The following RGS20 variants were observed in gnomAD, a reference collection of about 807,000 sequenced individuals.
RGS20 encodes regulator of G protein signaling 20, also known as gz-selective GTPase-activating protein.
Under a neutral mutation model 33.6 loss-of-function variants are expected in RGS20, and 30 were observed. The ratio of observed to expected loss-of-function variants is 0.89; its 90% CI spans 0.67 to 1.21. The LOEUF (loss-of-function observed/expected upper bound fraction) is 1.21. Ranked by LOEUF, RGS20 falls within the 50% of genes most tolerant of loss-of-function variation. The pLI, the probability that RGS20 is intolerant of heterozygous loss-of-function variation, is 0.00. For synonymous variants in RGS20, 208 were observed against 197.9 expected (o/e 1.05, Z -0.43); for missense variants, 472 against 502.4 (o/e 0.94, Z 0.58).
At chr8:53,954,345 T>C (rs374129437) in intron 5 of RGS20, 35 bp downstream of exon 4, 22 of 1,406,872 alleles carry the variant, frequency 1.6e-5, no homozygotes, top group African/African-American at 5.6e-5. Flanking sequence ...CCCAAGGCTG[T>C]TGGTAAAATT....
chr8:53,874,370 GTGT>G (rs1812146984), intron 1 of RGS20, among the ~76,000 whole-genome samples: 2 of 78,892 alleles, frequency 2.5e-5, no homozygotes, highest in South Asian at 5.5e-4. Context: ...AATAAGGGGT[GTGT>G]GTGTGTGTGT....
intron 2 of RGS20, among the ~76,000 whole-genome samples, chr8:53,915,847 G>A (rs1029076434): frequency 1.3e-5 from 2 of 152,222 alleles, no homozygotes; most frequent in East Asian, 3.9e-4. Context: ...AAGCCTCTCA[G>A]GCAGGTGTGG....
At chr8:53,903,268 A>T (rs1813080045) in intron 2 of RGS20, among the ~76,000 whole-genome samples, 1 of 152,232 alleles carries the variant, frequency 6.6e-6, no homozygotes. Flanking sequence ...TTCTACCATC[A>T]GTAAAAAAGC....
At chr8:53,956,869 C>T (rs966124180) in intron 5 of RGS20, among the ~76,000 whole-genome samples, 2 of 151,986 alleles carry the variant, frequency 1.3e-5, no homozygotes, top group East Asian at 1.9e-4. Flanking sequence ...AAAAACAGGC[C>T]GGGCACAGTG....
At chr8:53,904,082 AAAAACAAGAAGGG>A (rs1395499247) in intron 2 of RGS20, among the ~76,000 whole-genome samples, 1 of 152,076 alleles carries the variant, frequency 6.6e-6, no homozygotes, top group Non-Finnish European at 1.5e-5. Context: ...CCAAGAGAGA[AAAAACAAGAAGGG>A]GTAGCTTTGT....
At chr8:53,942,056 A>AGGATTGTT (rs2129290492) in intron 3 of RGS20, among the ~76,000 whole-genome samples, 1 of 151,988 alleles carries the variant, frequency 6.6e-6, no homozygotes, top group African/African-American at 2.4e-5. Flanking sequence ...GGCAGATCAC[A>AGGATTGTT]TGAGGTCGGG....
At chr8:53,878,919 C>T (rs1425389164) in intron 1 of RGS20, among the ~76,000 whole-genome samples, 1 of 152,182 alleles carries the variant, frequency 6.6e-6, no homozygotes, top group Admixed American at 6.5e-5. Flanking sequence ...CTTCTGCATA[C>T]CGCATGTCAC....
intron 2 of RGS20, among the ~76,000 whole-genome samples, chr8:53,924,769 G>C (rs966924627): frequency 1.1e-4 from 17 of 152,170 alleles, no homozygotes; most frequent in African/African-American, 4.1e-4. Context: ...CAGATGTTAT[G>C]ATGACAATTC....
intron 2 of RGS20, among the ~76,000 whole-genome samples, chr8:53,928,425 CACTT>C (rs1388867069): frequency 5.9e-5 from 9 of 152,320 alleles, no homozygotes; most frequent in South Asian, 2.1e-4. Context: ...TATTTCTGTA[CACTT>C]ACTTATCGAA....
intron 1 of RGS20, among the ~76,000 whole-genome samples, chr8:53,878,511 G>A (rs950166577): frequency 2.0e-5 from 3 of 152,054 alleles, no homozygotes; most frequent in African/African-American, 7.2e-5. Context: ...CGGTGTTCCC[G>A]GGAATAAGAA....
chr8:53,903,277 G>A (rs1233840425), intron 2 of RGS20, among the ~76,000 whole-genome samples: 4 of 152,118 alleles, frequency 2.6e-5, no homozygotes, highest in Non-Finnish European at 5.9e-5. Flanking sequence ...CAGTAAAAAA[G>A]CACTGCCCTG....
intron 2 of RGS20, among the ~76,000 whole-genome samples, chr8:53,928,550 G>A (rs374478101): frequency 3.3e-4 from 50 of 152,222 alleles, no homozygotes; most frequent in East Asian, 2.7e-3. Flanking sequence ...TCACCAGGGC[G>A]CGGTGGCTTA....
chr8:53,953,197 CT>C (rs1244702760), intron 4 of RGS20, among the ~76,000 whole-genome samples: 1 of 152,162 alleles, frequency 6.6e-6, no homozygotes, highest in Non-Finnish European at 1.5e-5. Flanking sequence ...CTTGCACCCC[CT>C]AATTATAGTT....
intron 1 of RGS20, among the ~76,000 whole-genome samples, chr8:53,855,092 T>A (rs1355119552): frequency 1.3e-5 from 2 of 151,706 alleles, no homozygotes; most frequent in African/African-American, 2.4e-5. Context: ...TGAGACGGAG[T>A]CTTGCTCTGT....
chr8:53,900,490 G>A (rs534757267), intron 2 of RGS20, among the ~76,000 whole-genome samples: 13 of 152,054 alleles, frequency 8.5e-5, no homozygotes, highest in South Asian at 6.2e-4. Context: ...ATTACTCATC[G>A]TATTTTTACA....
At chr8:53,896,250 A>G (rs149710144) in intron 2 of RGS20, among the ~76,000 whole-genome samples, 1 of 152,300 alleles carries the variant, frequency 6.6e-6, no homozygotes, top group African/African-American at 2.4e-5. Context: ...ACTGCACTCC[A>G]ACCTGTGTGA....
In RGS20 at chr8:53,933,471, A is replaced by G. The variant is rs188695452; in HGVS notation, c.511-6105A>G. On this transcript the variant is annotated intron_variant, in intron 2 of 5. Transcript: ENST00000297313. ...AGAACTTCCTGAAGCATACACAAGT[A>G]TCAATAGCCGAATTGATCAAGTGGA... Among the ~76,000 whole-genome samples the G allele has an allele frequency of 1.1e-3, 174 of 152,320 alleles. 1 individual carries two copies. The highest frequency in any genetic ancestry group is 4.0e-3 in the African/African-American group (166 of 41,572).
intron 2 of RGS20, among the ~76,000 whole-genome samples, chr8:53,894,976 T>C (rs912056086): frequency 6.6e-6 from 1 of 152,056 alleles, no homozygotes; most frequent in Non-Finnish European, 1.5e-5. Context: ...TTTAGGCTTG[T>C]GGGTCATTGC....
chr8:53,854,952 C>T (rs1168675643), intron 1 of RGS20, among the ~76,000 whole-genome samples: 1 of 152,186 alleles, frequency 6.6e-6, no homozygotes, highest in Non-Finnish European at 1.5e-5. Context: ...AAGGAATGAA[C>T]TACTAATACA....
Sources: gnomAD v4.1 joint callset for allele counts (sites outside exome capture counted in the v4.1 genomes callset) on GRCh38, gnomAD v4.1.1 for gene constraint, MANE v1.5 for transcripts, NCBI Gene and HGNC (gene_info 2026-07-23, HGNC 2026-07-21) for gene names.